Variants in TRIM71 observed in about 807,000 individuals in gnomAD.
The protein encoded by TRIM71 is tripartite motif containing 71.
Under a neutral mutation model 61.2 loss-of-function variants are expected in TRIM71, and 9 were observed. The ratio of observed to expected loss-of-function variants is 0.15; its 90% CI spans 0.09 to 0.26. TRIM71 has a LOEUF of 0.26. TRIM71 is among the 10% of genes least tolerant of loss of function. The probability of loss-of-function intolerance (pLI) is 1.00; values close to 1 mark genes in which losing one functional copy is unlikely to be tolerated. For synonymous variants in TRIM71, 645 were observed against 553.2 expected (o/e 1.17, Z -2.33); for missense variants, 998 against 1,238.7 (o/e 0.81, Z 2.92).
At position 32,895,696 on chromosome 3, in the gene TRIM71, A is replaced by C. The variant is rs1048858081; in HGVS notation, c.*3885A>C. 6.6e-6 allele frequency: 1 copy of C among 152,242 alleles called. No individual in the cohort carries two copies. Among genetic ancestry groups the C allele is most frequent in the African/African-American group, 2.4e-5 (1 of 41,426 alleles). The allele number at this position is 152,242 out of a possible 1,614,324, so 9.4% of individuals were successfully genotyped here. A position where few individuals can be genotyped will look rare whatever the true frequency, so the allele number is the denominator to read the frequency against. On this transcript the variant is annotated 3_prime_UTR_variant, in exon 4 of 4. Coordinates refer to ENST00000383763, the MANE Select transcript of TRIM71 (RefSeq NM_001039111.3). The stretch of plus-strand genomic sequence containing the variant: ...GGCTGTATAAAAGTCACACTCTTGT[A>C]CTTGCAGGTGATGGTGTCACAGGGC...
At chr3:32,889,397 C>T (rs1455211206) in intron 3 of TRIM71, among the ~76,000 whole-genome samples, 1 of 152,140 alleles carries the variant, frequency 6.6e-6, no homozygotes, top group Non-Finnish European at 1.5e-5. Context: ...TCCACCTCAG[C>T]TTCCCGAGTA....
intron 1 of TRIM71, among the ~76,000 whole-genome samples, chr3:32,847,695 A>T (rs1324472274): frequency 2.0e-5 from 3 of 152,214 alleles, no homozygotes; most frequent in African/African-American, 7.2e-5. Flanking sequence ...AGTTAAATGC[A>T]GGCCTTTCCA....
At chr3:32,886,928 C>G (rs1477570212) in intron 3 of TRIM71, among the ~76,000 whole-genome samples, 1 of 152,212 alleles carries the variant, frequency 6.6e-6, no homozygotes, top group Non-Finnish European at 1.5e-5. Flanking sequence ...CTTCTGACCT[C>G]TTAAGGAATA....
chr3:32,876,445 A>C (rs980510255), intron 2 of TRIM71, among the ~76,000 whole-genome samples: 1 of 152,158 alleles, frequency 6.6e-6, no homozygotes, highest in Non-Finnish European at 1.5e-5. Context: ...TTAGCCAGGC[A>C]TGGTGGCAGG....
chr3:32,860,071 C>T (rs1287726571), intron 1 of TRIM71, among the ~76,000 whole-genome samples: 1 of 151,126 alleles, frequency 6.6e-6, no homozygotes, highest in Admixed American at 6.6e-5. Flanking sequence ...TTTCTCCCTC[C>T]CCTCTCCTCC....
rs1697095844 is a variant in TRIM71, at chr3:32,897,778, CTTATT to C, written c.*5975_*5979del. The C allele has an allele frequency of 6.6e-6, 1 of 152,118 alleles. No homozygotes were observed. The highest frequency in any genetic ancestry group is 2.4e-5 in the African/African-American group (1 of 41,414). The allele number at this position is 152,118 out of a possible 1,614,324, so 9.4% of individuals were successfully genotyped here. On this transcript the variant is annotated 3_prime_UTR_variant, in exon 4 of 4. Transcript: ENST00000383763. ...GGACTTTAAAATTGTTCCTATGCAG[CTTATT>C]TTATTTTTGTTTAATCAAATAAACG...
chr3:32,838,811 TC>T (rs1160247783), intron 1 of TRIM71, among the ~76,000 whole-genome samples: 2 of 152,102 alleles, frequency 1.3e-5, no homozygotes, highest in African/African-American at 4.8e-5. Flanking sequence ...TTTTTTTTTT[TC>T]TTTGTTGAGA....
chr3:32,847,482 A>C (rs1038961074), intron 1 of TRIM71, among the ~76,000 whole-genome samples: 2 of 152,180 alleles, frequency 1.3e-5, no homozygotes, highest in Non-Finnish European at 2.9e-5. Flanking sequence ...GGTGTGAGCC[A>C]CCGCACCCAG....
chr3:32,845,273 G>C (rs2125680163), intron 1 of TRIM71, among the ~76,000 whole-genome samples: 2 of 152,306 alleles, frequency 1.3e-5, no homozygotes, highest in Admixed American at 1.3e-4. Context: ...TCACTCCCAG[G>C]GTTAATTGGG....
chr3:32,880,588 T>C (rs1226463055), intron 2 of TRIM71, among the ~76,000 whole-genome samples: 1 of 152,196 alleles, frequency 6.6e-6, no homozygotes, highest in Non-Finnish European at 1.5e-5. Context: ...TGGATTGTCC[T>C]ATAAAGAGAA....
rs1697029642 is a variant in TRIM71 at position 32,891,856 on chromosome 3, C to G, written c.*45C>G. The stretch of plus-strand genomic sequence containing the variant: ...GTGTTTGGGGTGTGTGTGCGTGTCT[C>G]TCTCTCTCTCTCTCTCTTTCTCTTT... On this transcript the variant is annotated 3_prime_UTR_variant, in exon 4 of 4. Transcript: ENST00000383763. The surrounding 1 kb of genome is among the most constrained non-coding windows in gnomAD (Gnocchi z 8.2). 3 of 1,004,242 alleles carry G rather than the reference C, an allele frequency of 3.0e-6. No homozygotes were observed. Among genetic ancestry groups the G allele is most frequent in the Non-Finnish European group, 4.5e-6 (3 of 666,174 alleles). The allele number at this position is 1,004,242 out of a possible 1,614,324, so 62.2% of individuals were successfully genotyped here.
intron 1 of TRIM71, among the ~76,000 whole-genome samples, chr3:32,868,684 G>A (rs1322349089): frequency 6.8e-6 from 1 of 147,520 alleles, no homozygotes; most frequent in African/African-American, 2.5e-5. Context: ...TGAGACATTA[G>A]GGTTTTTTTT....
In TRIM71 at chr3:32,893,138, T is replaced by G. The variant is rs1697044200; in HGVS notation, c.*1327T>G. Reference sequence around the variant, plus strand: ...CTGCTTGGGTCACTTTTTATAGGATTGTTTGCACCCAGGCCATGCTTTAGG... The same window carrying G: ...CTGCTTGGGTCACTTTTTATAGGATGGTTTGCACCCAGGCCATGCTTTAGG... On this transcript the variant is annotated 3_prime_UTR_variant, in exon 4 of 4. Coordinates refer to ENST00000383763, the MANE Select transcript of TRIM71 (RefSeq NM_001039111.3). 1 of 152,126 alleles carries G rather than the reference T, an allele frequency of 6.6e-6. No individual in the cohort carries two copies. Among genetic ancestry groups the G allele is most frequent in the African/African-American group, 2.4e-5 (1 of 41,390 alleles). The allele number at this position is 152,126 out of a possible 1,614,324, so 9.4% of individuals were successfully genotyped here.
chr3:32,820,100 C>G (rs968023984), intron 1 of TRIM71, among the ~76,000 whole-genome samples: 3 of 152,150 alleles, frequency 2.0e-5, no homozygotes, highest in African/African-American at 7.2e-5. Context: ...ACCTGTAGAC[C>G]GGTAAGAGAG....
intron 1 of TRIM71, among the ~76,000 whole-genome samples, chr3:32,865,328 C>CA (rs988221422): frequency 6.6e-6 from 1 of 151,582 alleles, no homozygotes; most frequent in Admixed American, 6.6e-5. Flanking sequence ...GATTCCATCT[C>CA]AAAAAAACAA....
intron 1 of TRIM71, among the ~76,000 whole-genome samples, chr3:32,849,700 T>C (rs1317142142): frequency 1.4e-5 from 2 of 143,208 alleles, no homozygotes; most frequent in African/African-American, 6.0e-5. Flanking sequence ...TGTGGCTGTT[T>C]TACCAGGTAA....
At chr3:32,834,589 AAGG>A (rs966672357) in intron 1 of TRIM71, among the ~76,000 whole-genome samples, 1 of 152,138 alleles carries the variant, frequency 6.6e-6, no homozygotes, top group African/African-American at 2.4e-5. Flanking sequence ...TTTCTTATAA[AAGG>A]AGGGATGGTG....
At chr3:32,828,218 T>A (rs899291299) in intron 1 of TRIM71, among the ~76,000 whole-genome samples, 3 of 152,050 alleles carry the variant, frequency 2.0e-5, no homozygotes, top group African/African-American at 4.8e-5. Flanking sequence ...GGATTATCAA[T>A]AGATTTGTAC....
At chr3:32,873,382 A>G (rs1696819206) in intron 1 of TRIM71, among the ~76,000 whole-genome samples, 1 of 152,152 alleles carries the variant, frequency 6.6e-6, no homozygotes, top group Non-Finnish European at 1.5e-5. Context: ...TAGAGCAGCA[A>G]AGGAAACTTT....
Sources: allele counts gnomAD v4.1 joint callset (sites outside exome capture counted in the v4.1 genomes callset), GRCh38; gene constraint gnomAD v4.1.1; non-coding constraint Gnocchi (gnomAD v3.1); transcripts MANE v1.5; gene names NCBI Gene and HGNC (gene_info 2026-07-23, HGNC 2026-07-21).